Variants in SH3KBP1 observed in about 807,000 individuals in gnomAD.
SH3KBP1 encodes SH3 domain-containing kinase-binding protein 1.
In SH3KBP1, 8 loss-of-function variants were observed where a neutral mutation model predicts 50.1. That is an observed-to-expected ratio of 0.16 (90% CI 0.09 to 0.29). The LOEUF (loss-of-function observed/expected upper bound fraction) is 0.29. SH3KBP1 is among the 10% of genes least tolerant of loss of function. The pLI is 1.00. For synonymous variants in SH3KBP1, 227 were observed against 218.6 expected (o/e 1.04, Z -0.34); for missense variants, 377 against 535.2 (o/e 0.70, Z 2.92).
At chrX:19,583,187 CTT>C (rs2066437420) in intron 12 of SH3KBP1, among the ~76,000 whole-genome samples, 1 of 106,530 alleles carries the variant, frequency 9.4e-6, no homozygotes, top group Non-Finnish European at 1.9e-5. Flanking sequence ...CAGTTTCACT[CTT>C]GTTGCCCAGG....
intron 2 of SH3KBP1, among the ~76,000 whole-genome samples, chrX:19,830,193 A>T (rs1484955658): frequency 1.8e-5 from 2 of 110,567 alleles, no homozygotes; most frequent in Non-Finnish European, 3.8e-5. Flanking sequence ...GCCTTATTTT[A>T]CCTAACCCCT....
intron 3 of SH3KBP1, among the ~76,000 whole-genome samples, chrX:19,710,689 G>T (rs1413166942): frequency 9.0e-6 from 1 of 111,235 alleles, no homozygotes; most frequent in African/African-American, 3.3e-5. Context: ...TATAGGGAAA[G>T]ACATAGTATA....
intron 7 of SH3KBP1, among the ~76,000 whole-genome samples, chrX:19,632,449 G>A (rs1180794517): frequency 8.9e-6 from 1 of 112,635 alleles, no homozygotes; most frequent in Non-Finnish European, 1.9e-5. Flanking sequence ...ATTATGGTAC[G>A]TCTTAAGAGA....
intron 1 of SH3KBP1, among the ~76,000 whole-genome samples, chrX:19,866,710 A>AG (rs1414955940): frequency 2.7e-5 from 3 of 109,915 alleles, no homozygotes; most frequent in Non-Finnish European, 5.7e-5. Context: ...AAAAAAGAAA[A>AG]GAAAAAAAAG....
intron 10 of SH3KBP1, among the ~76,000 whole-genome samples, chrX:19,592,982 C>T (rs151057625): frequency 0.037 from 4,130 of 112,332 alleles, 188 homozygotes; most frequent in African/African-American, 0.13. Context: ...ATGGTCTGTT[C>T]TTGACCCACA....
At chrX:19,589,805 TG>T (rs1238378678) in intron 11 of SH3KBP1, among the ~76,000 whole-genome samples, 2 of 108,146 alleles carry the variant, frequency 1.8e-5, no homozygotes, top group South Asian at 8.2e-4. Context: ...CCCAGATGGT[TG>T]GCAAAAGGTT....
chrX:19,774,280 T>C (rs1466218923), intron 2 of SH3KBP1, among the ~76,000 whole-genome samples: 1 of 111,662 alleles, frequency 9.0e-6, no homozygotes. Context: ...TTGGTTTTCA[T>C]CTTACCTTTT....
intron 2 of SH3KBP1, among the ~76,000 whole-genome samples, chrX:19,820,122 C>A (rs2067483224): frequency 9.0e-6 from 1 of 110,966 alleles, no homozygotes; most frequent in Non-Finnish European, 1.9e-5. Context: ...GTTTTATGAC[C>A]CAGGATATGG....
At chrX:19,874,924 G>C (rs1310067189) in intron 1 of SH3KBP1, among the ~76,000 whole-genome samples, 10 of 103,902 alleles carry the variant, frequency 9.6e-5, no homozygotes, top group Non-Finnish European at 5.9e-5. Context: ...GAAAGGGTGA[G>C]GGGATGAAGA....
At chrX:19,559,704 C>T (rs1279817522) in intron 13 of SH3KBP1, among the ~76,000 whole-genome samples, 1 of 111,116 alleles carries the variant, frequency 9.0e-6, no homozygotes, top group Non-Finnish European at 1.9e-5. Context: ...AAAACCAGAC[C>T]GTAGTCTAGC....
intron 7 of SH3KBP1, among the ~76,000 whole-genome samples, chrX:19,643,174 G>C (rs950714256): frequency 5.5e-5 from 6 of 109,937 alleles, no homozygotes; most frequent in African/African-American, 2.0e-4. Flanking sequence ...TGGTCCAAAT[G>C]AAAGGGGCTT....
chrX:19,704,120 C>G lies in SH3KBP1; in HGVS notation c.390+2761G>C, dbSNP rs191942933. Among the ~76,000 whole-genome samples, 20 of 111,999 alleles carry G rather than the reference C, an allele frequency of 1.8e-4. No homozygotes were observed. In the East Asian group the frequency reaches 5.0e-3, roughly 28 times the overall value. ...TTAAAACTTTGGATTAAAAGGCCAG[C>G]CTTTACGTTTTGTTTTATGTAAATA... is the stretch of plus-strand genomic sequence containing the variant. On this transcript the variant is annotated intron_variant, in intron 4 of 17. Coordinates refer to ENST00000397821, the MANE Select transcript of SH3KBP1 (RefSeq NM_031892.3).
At chrX:19,679,133 C>T (rs2062991429) in intron 6 of SH3KBP1, among the ~76,000 whole-genome samples, 1 of 111,904 alleles carries the variant, frequency 8.9e-6, no homozygotes, top group Non-Finnish European at 1.9e-5. Context: ...ACCTTCCAGC[C>T]TCCCTAACAA....
At chrX:19,839,921 G>A (rs937889334) in intron 1 of SH3KBP1, among the ~76,000 whole-genome samples, 9 of 112,145 alleles carry the variant, frequency 8.0e-5, no homozygotes, top group African/African-American at 1.9e-4. Context: ...ATGATAGACC[G>A]TTCCCAGCCC....
chrX:19,834,862 T>C (rs752507848), intron 2 of SH3KBP1, among the ~76,000 whole-genome samples: 27 of 109,537 alleles, frequency 2.5e-4, no homozygotes, highest in Non-Finnish European at 4.4e-4. Context: ...AAACCCCATC[T>C]CTACTTAAAA....
chrX:19,691,669 G>A (rs2063297116), intron 5 of SH3KBP1, among the ~76,000 whole-genome samples: 1 of 110,283 alleles, frequency 9.1e-6, no homozygotes, highest in African/African-American at 3.3e-5. Flanking sequence ...GAGACATACT[G>A]ACTAACTGCA....
intron 12 of SH3KBP1, among the ~76,000 whole-genome samples, chrX:19,580,493 C>T (rs73631358): frequency 0.021 from 2,344 of 111,365 alleles, 69 homozygotes; most frequent in African/African-American, 0.072. Context: ...ATGAGCAAAG[C>T]CTGGGTGTCC....
chrX:19,885,383 T>C lies in SH3KBP1; in HGVS notation c.4+1924A>G, dbSNP rs768944905. On this transcript the variant is annotated intron_variant, in intron 1 of 17. Coordinates refer to ENST00000397821, the MANE Select transcript of SH3KBP1 (RefSeq NM_031892.3). ...CACTATAAACATGAATTAAATTACA[T>C]TCGTTTTGACATTATCACCTCTAAG... 2.7e-5 allele frequency among the ~76,000 whole-genome samples: 3 copies of C among 111,947 alleles called. No homozygotes were observed. The South Asian group carries it at 1.1e-3, about 42-fold the overall frequency.
At chrX:19,602,587 G>A (rs185534896) in intron 9 of SH3KBP1, among the ~76,000 whole-genome samples, 6 of 112,279 alleles carry the variant, frequency 5.3e-5, no homozygotes, top group African/African-American at 1.9e-4. Context: ...TTTTCATAAG[G>A]CTGCTTATTA....
Sources: allele counts gnomAD v4.1 joint callset (sites outside exome capture counted in the v4.1 genomes callset), GRCh38; gene constraint gnomAD v4.1.1; transcripts MANE v1.5; gene names NCBI Gene and HGNC (gene_info 2026-07-23, HGNC 2026-07-21).